Variants in GFRA1 observed in about 807,000 individuals in gnomAD.
GFRA1 encodes GDNF family receptor alpha-1.
Under a neutral mutation model 51.6 loss-of-function variants are expected in GFRA1, and 16 were observed. That is an observed-to-expected ratio of 0.31 (90% CI 0.21 to 0.47). The LOEUF is 0.47. Ranked by LOEUF, GFRA1 falls within the 20% of genes least tolerant of loss-of-function variation. GFRA1 has a pLI of 1.00. For synonymous variants in GFRA1, 270 were observed against 241.3 expected, an observed-to-expected ratio of 1.12 and a Z score of -1.10; for missense variants, 530 against 594.3, an observed-to-expected ratio of 0.89 and a Z score of 1.13.
At chr10:116,183,825 T>C (rs1342502725) in intron 5 of GFRA1, among the ~76,000 whole-genome samples, 1 of 152,248 alleles carries the variant, frequency 6.6e-6, no homozygotes, top group East Asian at 1.9e-4. Flanking sequence ...TCTAAGCTCC[T>C]GAAGGCTGAG....
At chr10:116,076,792 A>G (rs1955637850) in intron 9 of GFRA1, among the ~76,000 whole-genome samples, 1 of 152,180 alleles carries the variant, frequency 6.6e-6, no homozygotes, top group South Asian at 2.1e-4. Flanking sequence ...AAGCTATGTG[A>G]TAACTGTGTT....
chr10:116,073,230 C>G (rs539062996), intron 9 of GFRA1, among the ~76,000 whole-genome samples: 31 of 152,324 alleles, frequency 2.0e-4, no homozygotes, highest in African/African-American at 7.5e-4. Flanking sequence ...ACACTAATGG[C>G]AAGATGGCAA....
chr10:116,180,715 C>T (rs371682263), intron 5 of GFRA1, among the ~76,000 whole-genome samples: 1 of 152,100 alleles, frequency 6.6e-6, no homozygotes, highest in African/African-American at 2.4e-5. Context: ...TTTTTAAGAG[C>T]TCTGTTTGGG....
chr10:116,203,919 C>T (rs749986664), intron 5 of GFRA1, among the ~76,000 whole-genome samples: 34 of 152,342 alleles, frequency 2.2e-4, no homozygotes, highest in Non-Finnish European at 4.3e-4. Context: ...ATGCAATTGG[C>T]CTCTGCTCTA....
intron 5 of GFRA1, among the ~76,000 whole-genome samples, chr10:116,168,057 A>G (rs1212122102): frequency 6.6e-6 from 1 of 152,194 alleles, no homozygotes; most frequent in African/African-American, 2.4e-5. Context: ...AAATTCATCA[A>G]TGCAACCAAA....
chr10:116,204,535 C>T (rs768313542), intron 5 of GFRA1, among the ~76,000 whole-genome samples: 7 of 151,992 alleles, frequency 4.6e-5, no homozygotes, highest in Admixed American at 3.3e-4. Flanking sequence ...TGTGGGATTA[C>T]GGTGGGAAAT....
intron 9 of GFRA1, among the ~76,000 whole-genome samples, chr10:116,085,436 C>G (rs1247831937): frequency 6.6e-6 from 1 of 152,126 alleles, no homozygotes; most frequent in Non-Finnish European, 1.5e-5. Flanking sequence ...CCAATGGATC[C>G]CAAGCTGGTT....
chr10:116,257,688 T>G (rs1968979673), intron 4 of GFRA1, among the ~76,000 whole-genome samples: 1 of 152,238 alleles, frequency 6.6e-6, no homozygotes, highest in Admixed American at 6.5e-5. Context: ...TAAGTTGAAC[T>G]GTCTGAAATT....
intron 5 of GFRA1, among the ~76,000 whole-genome samples, chr10:116,185,921 C>T (rs1409853765): frequency 6.6e-6 from 1 of 152,178 alleles, no homozygotes; most frequent in Non-Finnish European, 1.5e-5. Flanking sequence ...TCTGCTGCAC[C>T]CCAAGTGGAT....
chr10:116,132,234 C>A (rs1218069372), intron 5 of GFRA1, among the ~76,000 whole-genome samples: 2 of 152,024 alleles, frequency 1.3e-5, no homozygotes, highest in Admixed American at 1.3e-4. Flanking sequence ...CAAACAACAA[C>A]AAAACACAAA....
At position 116,058,990 on chromosome 10, in the gene GFRA1, T is replaced by A. The variant is rs988897275; in HGVS notation, c.*5408A>T. ...GATGTGAGCCTGTTGGGAGAGATGCTAGTTTCTCGCCTCTCAGCAGGAAAT... is the reference window on the plus strand; with the variant it reads ...GATGTGAGCCTGTTGGGAGAGATGCAAGTTTCTCGCCTCTCAGCAGGAAAT... On this transcript the variant is annotated 3_prime_UTR_variant, in exon 11 of 11. Transcript: ENST00000355422. 2 of 152,186 alleles carry A rather than the reference T, an allele frequency of 1.3e-5. No individual in the cohort carries two copies. The highest frequency in any genetic ancestry group is 2.4e-5 in the African/African-American group (1 of 41,432). The allele number at this position is 152,186 out of a possible 1,614,324, so 9.4% of individuals were successfully genotyped here. A position where few individuals can be genotyped will look rare whatever the true frequency, so the allele number is the denominator to read the frequency against.
At chr10:116,253,595 G>A (rs562798710) in intron 4 of GFRA1, among the ~76,000 whole-genome samples, 2 of 149,612 alleles carry the variant, frequency 1.3e-5, no homozygotes, top group East Asian at 2.0e-4. Context: ...GTGAGAGAGT[G>A]AGACTCTCTC....
At chr10:116,130,473 A>C (rs1033091992) in intron 5 of GFRA1, among the ~76,000 whole-genome samples, 2 of 152,080 alleles carry the variant, frequency 1.3e-5, no homozygotes, top group African/African-American at 2.4e-5. Flanking sequence ...AAGGAAAACA[A>C]AGTTGAAGGA....
chr10:116,158,869 TGAGGCCTCAACACA>T (rs1959441899), intron 5 of GFRA1, among the ~76,000 whole-genome samples: 2 of 152,218 alleles, frequency 1.3e-5, no homozygotes, highest in Non-Finnish European at 2.9e-5. Context: ...CCAGCAGCGC[TGAGGCCTCAACACA>T]GTCTCAGCCC....
At chr10:116,238,737 A>G (rs1317291719) in intron 4 of GFRA1, among the ~76,000 whole-genome samples, 9 of 152,228 alleles carry the variant, frequency 5.9e-5, no homozygotes, top group Admixed American at 5.9e-4. Context: ...AGATTTCTCC[A>G]AGAGAGAATA....
At position 116,239,110 on chromosome 10, in the gene GFRA1, A is replaced by C. The variant is rs755379292; in HGVS notation, c.419-27465T>G. On this transcript the variant is annotated intron_variant, in intron 4 of 10. Coordinates refer to ENST00000355422, the MANE Select transcript of GFRA1 (RefSeq NM_005264.8). The stretch of plus-strand genomic sequence containing the variant: ...ATCAGCTAGCCAATTAACGAACAAA[A>C]ATCTCATCTTCATTTGTGAGTTTTC... Among the ~76,000 whole-genome samples, 4 of 152,198 alleles carry C rather than the reference A, an allele frequency of 2.6e-5. No individual in the cohort carries two copies. The South Asian group carries it at 8.3e-4, about 31-fold the overall frequency.
At chr10:116,216,657 A>C (rs2134469703) in intron 4 of GFRA1, among the ~76,000 whole-genome samples, 1 of 152,228 alleles carries the variant, frequency 6.6e-6, no homozygotes, top group East Asian at 1.9e-4. Context: ...ATATGAGGGG[A>C]GTTTAGTTTC....
intron 4 of GFRA1, among the ~76,000 whole-genome samples, chr10:116,260,973 AG>A: frequency 6.6e-6 from 1 of 152,330 alleles, no homozygotes; most frequent in Admixed American, 6.5e-5. Flanking sequence ...ACAACCCTGA[AG>A]GGTGCCAAGA....
In GFRA1 at chr10:116,270,767, G is replaced by A. The variant is rs1374636905; in HGVS notation, c.334+55C>T. The A allele has an allele frequency of 2.4e-5, 36 of 1,482,236 alleles. No homozygotes were observed. In the East Asian group the frequency reaches 5.7e-4, roughly 23 times the overall value. The allele number at this position is 1,482,236 out of a possible 1,614,324, so 91.8% of individuals were successfully genotyped here. A position where few individuals can be genotyped will look rare whatever the true frequency, so the allele number is the denominator to read the frequency against. ...AGATCAGCTGGCCCAGGGACGAAAG[G>A]CCCGCCTGCCTTCGGGGAGGGACAC... On this transcript the variant is annotated intron_variant, in intron 3 of 10. Transcript: ENST00000355422.
Sources: gnomAD v4.1 joint callset for allele counts (sites outside exome capture counted in the v4.1 genomes callset) on GRCh38, gnomAD v4.1.1 for gene constraint, MANE v1.5 for transcripts, NCBI Gene and HGNC (gene_info 2026-07-23, HGNC 2026-07-21) for gene names.